XYLT1: variants seen among roughly 807,000 people sequenced by gnomAD.
The protein encoded by XYLT1 is xylosyltransferase 1, also known as beta-D-xylosyltransferase 1.
In XYLT1, 36 loss-of-function variants were observed where a neutral mutation model predicts 91.3. The ratio of observed to expected loss-of-function variants is 0.39; its 90% CI spans 0.30 to 0.52. The LOEUF is 0.52. Among genes scored for constraint, XYLT1 ranks in the 20% least tolerant of loss-of-function variants. The pLI is 0.68. For missense variants in XYLT1, 1,242 were observed against 1,284.5 expected (o/e 0.97, Z 0.51); for synonymous variants, 588 against 532.0 (o/e 1.11, Z -1.45).
intron 2 of XYLT1, among the ~76,000 whole-genome samples, chr16:17,266,738 T>G (rs1285587010): frequency 6.6e-6 from 1 of 152,178 alleles, no homozygotes; most frequent in Non-Finnish European, 1.5e-5. Flanking sequence ...GGCTGGGTAG[T>G]TATTTGGTGT....
chr16:17,325,434 C>T (rs959950011), intron 2 of XYLT1, among the ~76,000 whole-genome samples: 15 of 152,130 alleles, frequency 9.9e-5, no homozygotes, highest in South Asian at 2.1e-4. Flanking sequence ...TTAGAAGATG[C>T]TTTTGCAATT....
chr16:17,132,688 A>G (rs2030537537), intron 9 of XYLT1, among the ~76,000 whole-genome samples: 1 of 152,178 alleles, frequency 6.6e-6, no homozygotes, highest in Non-Finnish European at 1.5e-5. Context: ...GGATTGCCTG[A>G]GGTCAGGAGT....
chr16:17,121,771 C>T (rs1453240049), intron 10 of XYLT1, among the ~76,000 whole-genome samples: 1 of 152,084 alleles, frequency 6.6e-6, no homozygotes, highest in African/African-American at 2.4e-5. Flanking sequence ...CCCATGAGTC[C>T]CCAAACTCAC....
At chr16:17,319,947 A>C (rs2034692036) in intron 2 of XYLT1, among the ~76,000 whole-genome samples, 1 of 152,080 alleles carries the variant, frequency 6.6e-6, no homozygotes, top group Admixed American at 6.5e-5. Flanking sequence ...GTCTTCAACC[A>C]TGCTAAGCGC....
chr16:17,302,987 G>A (rs981897377), intron 2 of XYLT1, among the ~76,000 whole-genome samples: 1 of 151,358 alleles, frequency 6.6e-6, no homozygotes, highest in African/African-American at 2.5e-5. Flanking sequence ...CTGGGGTAGG[G>A]TTGGCAGTAT....
chr16:17,237,532 T>C (rs976821642), intron 3 of XYLT1, among the ~76,000 whole-genome samples: 2 of 152,184 alleles, frequency 1.3e-5, no homozygotes, highest in African/African-American at 2.4e-5. Flanking sequence ...GAAGTGCACA[T>C]GTAATTAAAC....
rs55895412 is a variant in XYLT1 at position 17,186,467 on chromosome 16, ATTTTTTTTT to A, written c.1289+11736_1289+11744del. Reference sequence around the variant, plus strand: ...AGGGGTGCACCACCACACCTGGTTAATTTTTTTTTTTTTTTTTTTAGAAATGGGGGTCTT... The same window carrying A: ...AGGGGTGCACCACCACACCTGGTTAATTTTTTTTTTAGAAATGGGGGTCTT... On this transcript the variant is annotated intron_variant, in intron 5 of 11. Coordinates refer to ENST00000261381, the MANE Select transcript of XYLT1 (RefSeq NM_022166.4). Among the ~76,000 whole-genome samples, 4 of 132,422 alleles carry A rather than the reference ATTTTTTTTT, an allele frequency of 3.0e-5. No individual in the cohort carries two copies. The South Asian group carries it at 9.8e-4, about 32-fold the overall frequency. 86.9% of individuals were successfully genotyped at this position (132,422 alleles called of 152,430 possible).
intron 1 of XYLT1, among the ~76,000 whole-genome samples, chr16:17,379,761 T>TTTCACACA (rs1555501200): frequency 2.5e-5 from 3 of 117,680 alleles, no homozygotes; most frequent in African/African-American, 1.1e-4. Context: ...TCTCTCTCTC[T>TTTCACACA]CTCACACACA....
intron 2 of XYLT1, among the ~76,000 whole-genome samples, chr16:17,305,478 C>T (rs550917733): frequency 4.1e-5 from 6 of 148,044 alleles, no homozygotes; most frequent in East Asian, 4.0e-4. Context: ...TGCAGTGGTG[C>T]GATCTCGGCT....
chr16:17,223,211 T>C (rs77024952), intron 3 of XYLT1, among the ~76,000 whole-genome samples: 4,063 of 152,268 alleles, frequency 0.027, 70 homozygotes, highest in Admixed American at 0.039. Flanking sequence ...ACAGTCGCAC[T>C]CACAGAGGAA....
intron 1 of XYLT1, among the ~76,000 whole-genome samples, chr16:17,423,759 G>A (rs1465256901): frequency 2.6e-5 from 4 of 152,050 alleles, no homozygotes; most frequent in Non-Finnish European, 5.9e-5. Flanking sequence ...GGGACTACAG[G>A]TGCATGCCAC....
intron 3 of XYLT1, among the ~76,000 whole-genome samples, chr16:17,208,325 T>G (rs2032695005): frequency 6.6e-6 from 1 of 151,468 alleles, no homozygotes; most frequent in East Asian, 1.9e-4. Flanking sequence ...CCTCTGAACA[T>G]CCTGCACTTC....
chr16:17,184,286 C>T (rs537701080), intron 5 of XYLT1, among the ~76,000 whole-genome samples: 4 of 146,714 alleles, frequency 2.7e-5, no homozygotes, highest in Non-Finnish European at 5.9e-5. Flanking sequence ...ACATAGAGAG[C>T]CGCTGCCAAG....
At chr16:17,142,581 A>G (rs185990714) in intron 6 of XYLT1, among the ~76,000 whole-genome samples, 1,691 of 147,878 alleles carry the variant, frequency 0.011, 36 homozygotes, top group African/African-American at 0.04. Context: ...TTACAGGCAC[A>G]CACCACCTCA....
intron 2 of XYLT1, among the ~76,000 whole-genome samples, chr16:17,322,218 T>G (rs772230389): frequency 6.6e-6 from 1 of 152,108 alleles, no homozygotes; most frequent in Non-Finnish European, 1.5e-5. Context: ...ACATGACAGA[T>G]TTAGATTTTA....
At position 17,200,479 on chromosome 16, in the gene XYLT1, C is replaced by T. The variant is rs1567319936; in HGVS notation, c.1086+3G>A. 1 of 1,611,608 alleles carries T rather than the reference C, an allele frequency of 6.2e-7. No individual in the cohort carries two copies. The highest frequency in any genetic ancestry group is 8.5e-7 in the Non-Finnish European group (1 of 1,177,880). On this transcript the variant is annotated splice_donor_region_variant and intron_variant, in intron 4 of 11. Transcript: ENST00000261381. ...GCAAGGGGTGATCACAGAGGCCTCT[C>T]ACCTTGTCCACGTGGATGTAGTAGA...
intron 5 of XYLT1, among the ~76,000 whole-genome samples, chr16:17,194,675 C>G (rs2032389585): frequency 6.6e-6 from 1 of 152,222 alleles, no homozygotes; most frequent in Non-Finnish European, 1.5e-5. Context: ...GCCATCCTGC[C>G]AGTCCAGTTC....
Position 17,259,103 on chromosome 16 carries a change from A to G in XYLT1, c.798T>C (p.Ser266=). ...KCDISGKEAI[S]ALSRAKSKHC... ...GCTTGGACTTAGCACGGGACAGGGC[A>G]GAGATGGCCTCCTTGCCTGAGATGT... Residue 266 remains serine, a synonymous_variant, in exon 3 of 12, where the codon TCT becomes TCC. Transcript: ENST00000261381. The G allele has an allele frequency of 6.4e-7, 1 of 1,568,442 alleles. No homozygotes were observed. Among genetic ancestry groups the G allele is most frequent in the Non-Finnish European group, 8.6e-7 (1 of 1,158,502 alleles).
intron 2 of XYLT1, among the ~76,000 whole-genome samples, chr16:17,328,087 C>G (rs1485975422): frequency 6.6e-6 from 1 of 152,076 alleles, no homozygotes; most frequent in African/African-American, 2.4e-5. Context: ...ACGTAACCTC[C>G]CTTTCACAGA....
Sources: gnomAD v4.1 joint callset for allele counts (sites outside exome capture counted in the v4.1 genomes callset) on GRCh38, gnomAD v4.1.1 for gene constraint, MANE v1.5 for transcripts, NCBI Gene and HGNC (gene_info 2026-07-23, HGNC 2026-07-21) for gene names.